The following TSPAN16 variants were observed in gnomAD, a reference collection of about 807,000 sequenced individuals.
TSPAN16 encodes tetraspanin 16, also known as tetraspanin-16.
In TSPAN16, 23 loss-of-function variants were observed where a neutral mutation model predicts 25.2. The ratio of observed to expected loss-of-function variants is 0.91; its 90% CI spans 0.66 to 1.29. TSPAN16 has a LOEUF of 1.29. Ranked by LOEUF, TSPAN16 falls within the 50% of genes most tolerant of loss-of-function variation. The probability of loss-of-function intolerance (pLI) is 0.00; values close to 1 mark genes in which losing one functional copy is unlikely to be tolerated. For synonymous variants in TSPAN16, 123 were observed against 124.4 expected, an observed-to-expected ratio of 0.99 and a Z score of 0.08; for missense variants, 272 against 299.9, an observed-to-expected ratio of 0.91 and a Z score of 0.69.
intron 6 of TSPAN16, 100 bp downstream of exon 6, chr19:11,312,322 TAAAAAAAAA>T (rs56982210): frequency 3.4e-6 from 1 of 293,944 alleles, no homozygotes; most frequent in Non-Finnish European, 5.7e-6. Flanking sequence ...TGAACAAAAC[TAAAAAAAAA>T]AAAAAAAAGA....
chr19:11,303,970 C>A (rs995898312), intron 4 of TSPAN16, among the ~76,000 whole-genome samples: 1 of 151,382 alleles, frequency 6.6e-6, no homozygotes, highest in African/African-American at 2.4e-5. Flanking sequence ...CTAGTAGAGA[C>A]AGGACTTCAC....
intron 6 of TSPAN16, chr19:11,323,099 ACT>A (rs1028176746): frequency 2.8e-5 from 4 of 143,200 alleles, no homozygotes; most frequent in South Asian, 2.2e-4. Flanking sequence ...GCGACGAGCG[ACT>A]CTCTGTCTTA....
chr19:11,319,535 T>C (rs2080765417), downstream of TSPAN16, among the ~76,000 whole-genome samples: 1 of 151,846 alleles, frequency 6.6e-6, no homozygotes. Flanking sequence ...GAGGCGGAGC[T>C]TGCAGTGAGC....
chr19:11,321,664 G>A (rs1398570551), intron 6 of TSPAN16, among the ~76,000 whole-genome samples: 2 of 152,170 alleles, frequency 1.3e-5, no homozygotes, highest in African/African-American at 4.8e-5. Flanking sequence ...GGAGGCCAGT[G>A]GAGAGATGAG....
intron 3 of TSPAN16, among the ~76,000 whole-genome samples, chr19:11,300,542 C>T (rs989951915): frequency 6.6e-6 from 1 of 152,000 alleles, no homozygotes; most frequent in Non-Finnish European, 1.5e-5. Flanking sequence ...CTACTCCTGT[C>T]GAGAACAGCC....
intron 6 of TSPAN16, among the ~76,000 whole-genome samples, chr19:11,315,235 C>CATAAT (rs368435073): frequency 8.0e-6 from 1 of 124,738 alleles, no homozygotes; most frequent in Admixed American, 8.7e-5. Flanking sequence ...GACTCCTTCT[C>CATAAT]AATAATAATA....
intron 1 of TSPAN16, among the ~76,000 whole-genome samples, chr19:11,296,583 C>G (rs1022191499): frequency 6.6e-6 from 1 of 152,146 alleles, no homozygotes; most frequent in Non-Finnish European, 1.5e-5. Flanking sequence ...TGAGTGTGAT[C>G]TGGGGGAGCC....
chr19:11,324,843 G>A (rs776943814), intron 6 of TSPAN16: 1 of 152,444 alleles, frequency 6.6e-6, no homozygotes, highest in African/African-American at 2.4e-5. Flanking sequence ...GGGTCTGCAG[G>A]GGTCAAAGGG....
chr19:11,320,122 C>CT (rs373015307), downstream of TSPAN16, among the ~76,000 whole-genome samples: 9,434 of 106,798 alleles, frequency 0.088, 1,549 homozygotes, highest in African/African-American at 0.33. Context: ...CCGGCCAGGA[C>CT]TTTTTTTTTT....
At chr19:11,296,433 G>A in intron 1 of TSPAN16, 67 bp downstream of exon 1, 3 of 1,532,962 alleles carry the variant, frequency 2.0e-6, no homozygotes, top group Non-Finnish European at 2.7e-6. Context: ...CTCCCTGAAA[G>A]ACAGAAATAA....
intron 6 of TSPAN16, chr19:11,325,546 T>C (rs143763081): frequency 6.8e-5 from 110 of 1,613,392 alleles, no homozygotes; most frequent in Middle Eastern, 1.6e-4. Flanking sequence ...CTGCTTCACA[T>C]TGATGTTCTC....
At chr19:11,308,910 A>G (rs536680320) in intron 5 of TSPAN16, among the ~76,000 whole-genome samples, 1 of 152,252 alleles carries the variant, frequency 6.6e-6, no homozygotes, top group African/African-American at 2.4e-5. Flanking sequence ...TGCCTGGCTA[A>G]AAAACATTTT....
At chr19:11,296,759 C>T (rs1390860086) in intron 1 of TSPAN16, among the ~76,000 whole-genome samples, 2 of 152,234 alleles carry the variant, frequency 1.3e-5, no homozygotes, top group Admixed American at 6.5e-5. Context: ...AATTGTCAGG[C>T]CGGGGGCGCT....
intron 6 of TSPAN16, among the ~76,000 whole-genome samples, chr19:11,313,122 A>C (rs931184604): frequency 6.6e-6 from 1 of 152,150 alleles, no homozygotes; most frequent in African/African-American, 2.4e-5. Flanking sequence ...AATTAACACC[A>C]TTGTTTCACC....
intron 6 of TSPAN16, 112 bp downstream of exon 6, chr19:11,312,334 A>AG (rs2080701990): frequency 3.6e-6 from 2 of 561,178 alleles, no homozygotes; most frequent in East Asian, 6.3e-5. Context: ...AAAAAAAAAA[A>AG]AAAAAGAAAC....
intron 6 of TSPAN16, among the ~76,000 whole-genome samples, chr19:11,326,478 G>A (rs2080813731): frequency 6.6e-6 from 1 of 152,226 alleles, no homozygotes; most frequent in African/African-American, 2.4e-5. Context: ...GTATAGGTGG[G>A]AGGGTACATG....
At chr19:11,301,118 C>T in intron 3 of TSPAN16, 83 bp from the exon 4 acceptor site, 5 of 1,163,970 alleles carry the variant, frequency 4.3e-6, no homozygotes, top group African/African-American at 1.5e-5. Context: ...TCCCACCTCC[C>T]ACTCTATCCT....
At chr19:11,298,516 C>A (rs1164921153) in intron 2 of TSPAN16, among the ~76,000 whole-genome samples, 177 bp downstream of exon 2, 12 of 151,664 alleles carry the variant, frequency 7.9e-5, no homozygotes, top group Admixed American at 3.3e-4. Flanking sequence ...TTCACTGCAA[C>A]CTCTGCCTCC....
intron 4 of TSPAN16, among the ~76,000 whole-genome samples, chr19:11,302,673 A>ATGTG (rs1219957270): frequency 2.1e-5 from 2 of 93,150 alleles, no homozygotes; most frequent in African/African-American, 1.2e-4. Context: ...ATATATATAT[A>ATGTG]TATATACACA....
Sources: gnomAD v4.1 joint callset for allele counts (sites outside exome capture counted in the v4.1 genomes callset) on GRCh38, gnomAD v4.1.1 for gene constraint, MANE v1.5 for transcripts, NCBI Gene and HGNC (gene_info 2026-07-23, HGNC 2026-07-21) for gene names.